TRPM3: variants seen among roughly 807,000 people sequenced by gnomAD.
TRPM3 encodes transient receptor potential cation channel subfamily M member 3.
Under a neutral mutation model 181.2 loss-of-function variants are expected in TRPM3, and 77 were observed. The ratio of observed to expected loss-of-function variants is 0.42; its 90% confidence interval spans 0.35 to 0.51. The LOEUF (loss-of-function observed/expected upper bound fraction) is 0.51, where lower values mean the gene tolerates loss of function less well. TRPM3 is among the 20% of genes least tolerant of loss of function. The pLI is 0.01. For missense variants in TRPM3, 1,759 were observed against 2,196.7 expected (o/e 0.80, Z 3.98); for synonymous variants, 745 against 796.4 (o/e 0.94, Z 1.09).
intron 1 of TRPM3, among the ~76,000 whole-genome samples, chr9:71,315,459 A>G (rs2088480630): frequency 6.6e-6 from 1 of 152,088 alleles, no homozygotes; most frequent in Non-Finnish European, 1.5e-5. Context: ...CATGACACGA[A>G]CTTATCTTTC....
chr9:71,081,296 G>A (rs1178199781), intron 1 of TRPM3, among the ~76,000 whole-genome samples: 1 of 152,160 alleles, frequency 6.6e-6, no homozygotes, highest in Non-Finnish European at 1.5e-5. Flanking sequence ...AGGAAGGTGG[G>A]CTCTCAAGGA....
chr9:71,134,156 T>C (rs1233756224), intron 1 of TRPM3, among the ~76,000 whole-genome samples: 1 of 152,184 alleles, frequency 6.6e-6, no homozygotes, highest in Non-Finnish European at 1.5e-5. Flanking sequence ...CCCATCCAAA[T>C]GGTGTGATAA....
chr9:71,400,642 T>C (rs2093320768), intron 1 of TRPM3, among the ~76,000 whole-genome samples: 7 of 152,164 alleles, frequency 4.6e-5, no homozygotes, highest in Admixed American at 4.6e-4. Context: ...TTTGAAATTA[T>C]TTATTGCTAA....
At chr9:70,820,269 C>A (rs916527629) in intron 6 of TRPM3, among the ~76,000 whole-genome samples, 21 of 152,132 alleles carry the variant, frequency 1.4e-4, no homozygotes, top group African/African-American at 5.1e-4. Context: ...ATATGCAGCA[C>A]AATCTAATTT....
intron 9 of TRPM3, among the ~76,000 whole-genome samples, chr9:70,654,374 G>A (rs1286207709): frequency 6.6e-6 from 1 of 151,988 alleles, no homozygotes; most frequent in African/African-American, 2.4e-5. Context: ...GCCCTTATAG[G>A]GAAATCCCCA....
At chr9:70,761,775 A>C (rs544872344) in intron 7 of TRPM3, 51 bp from the exon 8 acceptor site, 1 of 1,564,188 alleles carries the variant, frequency 6.4e-7, no homozygotes, top group African/African-American at 1.4e-5. Flanking sequence ...CTATTCAGCA[A>C]GTATTTCTGA....
chr9:71,048,508 T>C (rs2059715822), intron 1 of TRPM3, among the ~76,000 whole-genome samples: 1 of 152,196 alleles, frequency 6.6e-6, no homozygotes, highest in Admixed American at 6.5e-5. Context: ...TGCTGGGTGG[T>C]ATGCGCTTTC....
chr9:71,318,506 T>A (rs553265853), intron 1 of TRPM3, among the ~76,000 whole-genome samples: 1 of 152,298 alleles, frequency 6.6e-6, no homozygotes, highest in Non-Finnish European at 1.5e-5. Context: ...CAAGTATTTT[T>A]AAATTTTTAA....
chr9:70,889,032 T>C (rs1425910012), intron 1 of TRPM3, among the ~76,000 whole-genome samples: 2 of 152,148 alleles, frequency 1.3e-5, no homozygotes, highest in African/African-American at 4.8e-5. Flanking sequence ...GGGTAGTAAT[T>C]AACATTGCCA....
chr9:71,333,456 G>A lies in TRPM3; in HGVS notation c.183+113197C>T, dbSNP rs372667474. On this transcript the variant is annotated intron_variant, in intron 1 of 24. Transcript: ENST00000357533. ...TTTCCAAGATAAGCTCACAAAAGAC[G>A]GCCATTTCTATGCAGCTAGCACACT... 1.8e-4 allele frequency among the ~76,000 whole-genome samples: 27 copies of A among 152,048 alleles called. 2 individuals are homozygous for A. The highest frequency in any genetic ancestry group is 3.9e-4 in the East Asian group (2 of 5,178).
intron 1 of TRPM3, among the ~76,000 whole-genome samples, chr9:71,272,896 CAA>C (rs1479643000): frequency 9.6e-4 from 140 of 146,074 alleles, no homozygotes; most frequent in Admixed American, 5.3e-3. Context: ...TTTTTTGAGA[CAA>C]GAGTCTTGCT....
At chr9:71,324,474 T>G (rs2089497864) in intron 1 of TRPM3, among the ~76,000 whole-genome samples, 1 of 151,828 alleles carries the variant, frequency 6.6e-6, no homozygotes, top group South Asian at 2.1e-4. Flanking sequence ...TACCAAATTT[T>G]GATAAGGATG....
At chr9:71,166,022 T>C (rs1479143573) in intron 1 of TRPM3, among the ~76,000 whole-genome samples, 1 of 152,146 alleles carries the variant, frequency 6.6e-6, no homozygotes, top group Non-Finnish European at 1.5e-5. Flanking sequence ...AGGCAGTCCC[T>C]TCCAGGTTCC....
intron 12 of TRPM3, 147 bp downstream of exon 12, chr9:70,635,064 C>CACACAA (rs1161819841): frequency 5.7e-6 from 3 of 522,214 alleles, no homozygotes; most frequent in Non-Finnish European, 1.0e-5. Flanking sequence ...GACACATACA[C>CACACAA]ACACACACAC....
intron 6 of TRPM3, among the ~76,000 whole-genome samples, chr9:70,787,763 C>CTTTTTTTTTTTTTTTTTTTTGGTTTTTA (rs2084054300): frequency 2.9e-5 from 2 of 68,558 alleles, no homozygotes; most frequent in African/African-American, 5.8e-5. Context: ...TTTTTGGATT[C>CTTTTTTTTTTTTTTTTTTTTGGTTTTTA]TTTTTTTTTT....
intron 21 of TRPM3, among the ~76,000 whole-genome samples, chr9:70,594,937 A>C (rs186603828): frequency 1.3e-5 from 2 of 152,312 alleles, no homozygotes; most frequent in East Asian, 3.9e-4. Context: ...GGATCAGTGC[A>C]TCAATTATTG....
intron 1 of TRPM3, among the ~76,000 whole-genome samples, chr9:71,266,911 T>C (rs1399256776): frequency 6.6e-6 from 1 of 151,592 alleles, no homozygotes; most frequent in African/African-American, 2.4e-5. Context: ...TCTGTGTTTC[T>C]ATTAATTATG....
intron 1 of TRPM3, among the ~76,000 whole-genome samples, chr9:71,095,069 T>G (rs1350860755): frequency 6.6e-6 from 1 of 152,198 alleles, no homozygotes; most frequent in Admixed American, 6.5e-5. Flanking sequence ...CAGATGACTA[T>G]CTACAAAATG....
chr9:70,883,985 A>G (rs1282351053), intron 1 of TRPM3, among the ~76,000 whole-genome samples: 1 of 152,068 alleles, frequency 6.6e-6, no homozygotes, highest in Non-Finnish European at 1.5e-5. Context: ...GTTATTTTGC[A>G]TTTGGAAACG....
Sources: allele counts gnomAD v4.1 joint callset (sites outside exome capture counted in the v4.1 genomes callset), GRCh38; gene constraint gnomAD v4.1.1; transcripts MANE v1.5; gene names NCBI Gene and HGNC (gene_info 2026-07-23, HGNC 2026-07-21).